The following SVEP1 variants were observed in gnomAD, a reference collection of about 807,000 sequenced individuals.
The protein encoded by SVEP1 is sushi, von Willebrand factor type A, EGF and pentraxin domain containing 1, also known as sushi, von Willebrand factor type A, EGF and pentraxin domain-containing protein 1.
Under a neutral mutation model 367.3 loss-of-function variants are expected in SVEP1, and 164 were observed. The ratio of observed to expected loss-of-function variants is 0.45; its 90% CI spans 0.39 to 0.51. SVEP1 has a LOEUF of 0.51. Ranked by LOEUF, SVEP1 falls within the 20% of genes least tolerant of loss-of-function variation. The pLI is 0.00. For synonymous variants in SVEP1, 1,666 were observed against 1,611.6 expected (o/e 1.03, Z -0.81); for missense variants, 4,117 against 4,425.3 (o/e 0.93, Z 1.98).
In SVEP1 at chr9:110,406,518, CT is replaced by C. The variant is rs772882205; in HGVS notation, c.9081del (p.Ala3028ProfsTer12). On this transcript the variant is annotated frameshift_variant, in exon 38 of 48. Coordinates refer to ENST00000374469, the MANE Select transcript of SVEP1 (RefSeq NM_153366.4). LOFTEE classifies it high-confidence loss of function. ...VNGTDFDCGK[A>X]ARIQCFKGFK... ...AAGCCTTTGAAGCACTGAATCCGGG[CT>C]GCCTTTCCACAGTCAAAATCTGTCC... The C allele has an allele frequency of 6.2e-7, 1 of 1,613,706 alleles. No homozygotes were observed. Among genetic ancestry groups the C allele is most frequent in the East Asian group, 2.2e-5 (1 of 44,868 alleles).
At chr9:110,441,124 T>G (rs539796352) in intron 27 of SVEP1, among the ~76,000 whole-genome samples, 1 of 152,264 alleles carries the variant, frequency 6.6e-6, no homozygotes, top group Admixed American at 6.6e-5. Context: ...GAAGTTTTGG[T>G]TTTGGCACTG....
rs772505115 is a variant in SVEP1, at chr9:110,430,397, C to T, written c.5407G>A (p.Glu1803Lys). ...ACTTCGGCACCTACTGTATAAATCTCACCTGAGGAGTGGCCATTTTCCGGA... is the reference window on the plus strand; with the variant it reads ...ACTTCGGCACCTACTGTATAAATCTTACCTGAGGAGTGGCCATTTTCCGGA... ...GNPENGHSSG[E>K]IYTVGAEVTF... Residue 1803 changes from glutamate to lysine, a missense_variant, in exon 33 of 48, where the codon GAG becomes AAG. Glu to Lys is a moderately conservative substitution (Grantham distance 56). This residue lies in a region of SVEP1 where 2,174 missense variants were observed against 2,494.3 expected (regional missense o/e 0.87). Coordinates refer to ENST00000374469, the MANE Select transcript of SVEP1 (RefSeq NM_153366.4). 1.2e-6 allele frequency: 2 copies of T among 1,613,284 alleles called. No individual in the cohort carries two copies. Among genetic ancestry groups the T allele is most frequent in the South Asian group, 2.2e-5 (2 of 90,912 alleles).
chr9:110,500,860 C>G (rs1363092651), intron 6 of SVEP1, among the ~76,000 whole-genome samples: 1 of 151,860 alleles, frequency 6.6e-6, no homozygotes, highest in African/African-American at 2.4e-5. Flanking sequence ...TATTGCTCTT[C>G]CTTTTCAAAC....
chr9:110,369,739 T>C (rs536948513), intron 47 of SVEP1, 184 bp downstream of exon 47: 15 of 583,602 alleles, frequency 2.6e-5, no homozygotes, highest in East Asian at 1.7e-4. Flanking sequence ...TTGTCAATCC[T>C]GAACTAATAT....
chr9:110,490,788 A>C (rs966784597), intron 8 of SVEP1, among the ~76,000 whole-genome samples: 2 of 152,068 alleles, frequency 1.3e-5, no homozygotes, highest in Admixed American at 6.6e-5. Context: ...ATCTGGCACC[A>C]GGTCATTGTT....
chr9:110,415,871 AGG>A (rs1370109696), intron 36 of SVEP1, among the ~76,000 whole-genome samples: 6 of 152,076 alleles, frequency 3.9e-5, no homozygotes. Flanking sequence ...TAGACAAAGA[AGG>A]GAAGTCGAGA....
At chr9:110,445,182 G>GGACA (rs1305964500) in intron 26 of SVEP1, among the ~76,000 whole-genome samples, 1 of 152,168 alleles carries the variant, frequency 6.6e-6, no homozygotes, top group Non-Finnish European at 1.5e-5. Flanking sequence ...CTGGGTCAGT[G>GGACA]GACAGCTCAG....
Position 110,408,454 on chromosome 9 carries a change from G to T in SVEP1, c.7146C>A (p.Thr2382=). 6.2e-7 allele frequency: 1 copy of T among 1,613,928 alleles called. No individual in the cohort carries two copies. Among genetic ancestry groups the T allele is most frequent in the Non-Finnish European group, 8.5e-7 (1 of 1,179,886 alleles). Residue 2382 remains threonine, a synonymous_variant, in exon 38 of 48, where the codon ACC becomes ACA. Coordinates refer to ENST00000374469, the MANE Select transcript of SVEP1 (RefSeq NM_153366.4). The part of the protein sequence containing the change: ...SFPVCKIVLC[T]PPPLISFGVP... ...CACCAAAGGAAATTAGGGGAGGTGG[G>T]GTACAAAGAACAATCTTACAAACAG...
At chr9:110,403,391 G>T (rs552673657) in intron 39 of SVEP1, among the ~76,000 whole-genome samples, 2 of 130,250 alleles carry the variant, frequency 1.5e-5, no homozygotes, top group Non-Finnish European at 1.6e-5. Flanking sequence ...TGCAACCTCC[G>T]CATCCTGGGT....
At chr9:110,514,573 GAA>G (rs1829776957) in intron 3 of SVEP1, among the ~76,000 whole-genome samples, 1 of 151,428 alleles carries the variant, frequency 6.6e-6, no homozygotes, top group Non-Finnish European at 1.5e-5. Flanking sequence ...AGCAAAGAGA[GAA>G]ACCAACATTT....
At chr9:110,383,284 GCTTT>G (rs1827467644) in intron 43 of SVEP1, among the ~76,000 whole-genome samples, 2 of 152,144 alleles carry the variant, frequency 1.3e-5, no homozygotes, top group South Asian at 4.1e-4. Context: ...TGTTGTTGCT[GCTTT>G]CTCTTTGTTT....
Position 110,481,381 on chromosome 9 carries a change from T to C in SVEP1, c.2226A>G (p.Pro742=). The change falls in exon 12 of 48, where the codon CCA becomes CCG. Residue 742 remains proline, a synonymous_variant. Transcript: ENST00000374469. ...ATGTACAGTTGACTCCAGTATTATC[T>C]GGAGTGCATATAAAATCCCCATTTA... ...TPVNGDFICT[P]DNTGVNCTLT... The C allele has an allele frequency of 1.2e-6, 2 of 1,607,310 alleles. No individual in the cohort carries two copies.
Position 110,489,658 on chromosome 9 carries a change from T to G in SVEP1, c.1922A>C (p.Lys641Thr). The change falls in exon 9 of 48, where the codon AAG (lysine) becomes ACG (threonine). Residue 641 changes from lysine to threonine, a missense_variant. Around this residue, in one of 4 missense-constraint regions of SVEP1, gnomAD observed 2,174 missense variants for 2,494.3 expected, o/e 0.87. Coordinates refer to ENST00000374469, the MANE Select transcript of SVEP1 (RefSeq NM_153366.4). ...CAAACTATATCACTTACCAATAACC[T>G]TGATATGGAAAATGCAGCTGGCCTG... ...GNQASCIFHI[K>T]VIDAEPPVID... 1.2e-6 allele frequency: 2 copies of G among 1,612,550 alleles called. No individual in the cohort carries two copies. Among genetic ancestry groups the G allele is most frequent in the Non-Finnish European group, 1.7e-6 (2 of 1,179,122 alleles).
chr9:110,377,225 C>G (rs372350767), intron 45 of SVEP1, 46 bp downstream of exon 45: 13 of 1,576,668 alleles, frequency 8.2e-6, no homozygotes, highest in Non-Finnish European at 1.1e-5. Flanking sequence ...TGGGAGCATC[C>G]AGGCAATTTG....
Position 110,512,701 on chromosome 9 carries a change from T to C in SVEP1, c.1303+225A>G. 5.2e-6 allele frequency: 3 copies of C among 578,858 alleles called. No individual in the cohort carries two copies. The South Asian group carries it at 6.1e-5, about 12-fold the overall frequency. 35.9% of individuals were successfully genotyped at this position (578,858 alleles called of 1,614,324 possible). On this transcript the variant is annotated intron_variant, in intron 5 of 47. Transcript: ENST00000374469. ...GTCCATTTACTTCCCAGGCAAACTT[T>C]TTCTTTGCTTGTTCATAAAAGGGCT...
chr9:110,511,276 T>C (rs1186168028), intron 5 of SVEP1, among the ~76,000 whole-genome samples: 1 of 152,202 alleles, frequency 6.6e-6, no homozygotes, highest in African/African-American at 2.4e-5. Context: ...GATATATCTT[T>C]AGATCTTCTA....
intron 5 of SVEP1, among the ~76,000 whole-genome samples, chr9:110,508,710 G>A (rs1250384861): frequency 5.7e-5 from 8 of 140,316 alleles, no homozygotes; most frequent in African/African-American, 2.1e-4. Flanking sequence ...GCAGTGAGCC[G>A]AGATCGTGCC....
chr9:110,368,241 A>T lies in SVEP1; in HGVS notation c.10695-1681T>A, dbSNP rs1417541658. 2.6e-5 allele frequency among the ~76,000 whole-genome samples: 4 copies of T among 152,162 alleles called. No individual in the cohort carries two copies. In the East Asian group the frequency reaches 5.8e-4, roughly 22 times the overall value. ...CCCAGTCTGGTCCTCCTGATGCTCA[A>T]CCACTCCTCTGTCCTTGGGTTCCAT... On this transcript the variant is annotated intron_variant, in intron 47 of 47. Coordinates refer to ENST00000374469, the MANE Select transcript of SVEP1 (RefSeq NM_153366.4).
intron 47 of SVEP1, 181 bp downstream of exon 47, chr9:110,369,742 A>C (rs1827249569): frequency 1.7e-6 from 1 of 587,486 alleles, no homozygotes; most frequent in Non-Finnish European, 3.0e-6. Flanking sequence ...TCAATCCTGA[A>C]CTAATATTTC....
Sources: allele counts gnomAD v4.1 joint callset (sites outside exome capture counted in the v4.1 genomes callset), GRCh38; gene constraint gnomAD v4.1.1; regional missense constraint gnomAD v4.1.1; transcripts MANE v1.5; gene names NCBI Gene and HGNC (gene_info 2026-07-23, HGNC 2026-07-21).